The following IL31RA variants were observed in gnomAD, a reference collection of about 807,000 sequenced individuals.
IL31RA encodes the protein interleukin 31 receptor A, also known as interleukin-31 receptor subunit alpha.
Under a neutral mutation model 83.7 loss-of-function variants are expected in IL31RA, and 66 were observed. The observed-to-expected ratio is 0.79, with a 90% confidence interval of 0.65 to 0.97. The LOEUF (loss-of-function observed/expected upper bound fraction) is 0.97, where lower values mean the gene tolerates loss of function less well. Among genes scored for constraint, IL31RA ranks in the 50% least tolerant of loss-of-function variants. The pLI, the probability that IL31RA is intolerant of heterozygous loss-of-function variation, is 0.00. For synonymous variants in IL31RA, 325 were observed against 329.0 expected, an observed-to-expected ratio of 0.99 and a Z score of 0.13; for missense variants, 798 against 919.4, an observed-to-expected ratio of 0.87 and a Z score of 1.71.
chr5:55,844,893 A>G, the IL31RA span, among the ~76,000 whole-genome samples: 18 of 152,092 alleles, frequency 1.2e-4, no homozygotes, highest in Admixed American at 9.2e-4. Flanking sequence ...TGTCCAGTCT[A>G]CCTGTGACCC....
At chr5:55,862,770 C>T (rs1745767276) in intron 2 of IL31RA, among the ~76,000 whole-genome samples, 1 of 152,196 alleles carries the variant, frequency 6.6e-6, no homozygotes, top group East Asian at 1.9e-4. Flanking sequence ...ATTGTCATGT[C>T]TCCTTGGTCT....
chr5:55,910,233 GCTTGATCTATTTTTTT>G (rs1401228057), intron 11 of IL31RA, among the ~76,000 whole-genome samples: 2 of 152,128 alleles, frequency 1.3e-5, no homozygotes, highest in Non-Finnish European at 2.9e-5. Context: ...GTGAAGTCCA[GCTTGATCTATTTTTTT>G]CTTTTGATGT....
At chr5:55,916,241 A>G (rs570906913) in intron 14 of IL31RA, among the ~76,000 whole-genome samples, 1 of 152,176 alleles carries the variant, frequency 6.6e-6, no homozygotes, top group Non-Finnish European at 1.5e-5. Flanking sequence ...GTAGCCAGGT[A>G]TGGTGGTGTG....
chr5:55,890,157 C>T, intron 6 of IL31RA, 22 bp downstream of exon 6: 1 of 1,611,956 alleles, frequency 6.2e-7, no homozygotes, highest in South Asian at 1.1e-5. Context: ...CCTGCGATTC[C>T]CGTCCTGTCT....
chr5:55,915,710 T>G (rs1421834769), intron 14 of IL31RA, among the ~76,000 whole-genome samples: 4 of 152,188 alleles, frequency 2.6e-5, no homozygotes, highest in African/African-American at 9.7e-5. Context: ...ATCAGTCCGG[T>G]ATACTGGACT....
Position 55,877,627 on chromosome 5 carries a change from G to T in IL31RA, c.454+5176G>T, listed in dbSNP as rs780197965. 2.9e-4 allele frequency among the ~76,000 whole-genome samples: 44 copies of T among 152,252 alleles called. 3 individuals carry two copies. In the Middle Eastern group the frequency reaches 0.017, roughly 59 times the overall value. ...TTTGCCAGGTATGTAATTCTCAGTT[G>T]ACAATTTTTTTTCTCTTTCAGCACT... On this transcript the variant is annotated intron_variant, in intron 4 of 14. Coordinates refer to ENST00000652347, the MANE Select transcript of IL31RA (RefSeq NM_139017.7).
chr5:55,844,610 T>A, the IL31RA span, among the ~76,000 whole-genome samples: 1 of 152,182 alleles, frequency 6.6e-6, no homozygotes, highest in Admixed American at 6.5e-5. Flanking sequence ...GGAATTTATC[T>A]CACTTGGTGT....
chr5:55,915,926 AT>A (rs1287948223), intron 14 of IL31RA, among the ~76,000 whole-genome samples: 1 of 152,214 alleles, frequency 6.6e-6, no homozygotes, highest in South Asian at 2.1e-4. Flanking sequence ...TGTCCCTGCC[AT>A]GAGGCCACTT....
chr5:55,867,579 T>C (rs1375138290), intron 2 of IL31RA, among the ~76,000 whole-genome samples: 1 of 152,174 alleles, frequency 6.6e-6, no homozygotes, highest in African/African-American at 2.4e-5. Flanking sequence ...TTAATTTAGG[T>C]CTAATATTAA....
At chr5:55,882,956 G>A (rs1297872843) in intron 4 of IL31RA, 88 bp from the exon 5 acceptor site, 33 of 1,224,966 alleles carry the variant, frequency 2.7e-5, no homozygotes, top group South Asian at 1.5e-4. Flanking sequence ...CACAATGCAC[G>A]TATCATTTTT....
In IL31RA at chr5:55,899,956, A is replaced by T; in HGVS notation, c.893A>T (p.Tyr298Phe). 1 of 1,614,238 alleles carries T rather than the reference A, an allele frequency of 6.2e-7. No homozygotes were observed. Residue 298 changes from tyrosine to phenylalanine, a missense_variant, in exon 8 of 15, where the codon TAC (tyrosine) becomes TTC (phenylalanine). Coordinates refer to ENST00000652347, the MANE Select transcript of IL31RA (RefSeq NM_139017.7). ...CCAGTCCTAGAGAAAACACTTGGCT[A>T]CAACATATGGTACTATCCAGAAAGC... ...GAPVLEKTLGYNIWYYPESNT... is the reference protein window; with the variant it reads ...GAPVLEKTLGFNIWYYPESNT...
chr5:55,851,488 A>G lies in IL31RA; in HGVS notation c.-83A>G, dbSNP rs1745065622. 6.2e-7 allele frequency: 1 copy of G among 1,613,402 alleles called. No individual in the cohort carries two copies. Among genetic ancestry groups the G allele is most frequent in the Non-Finnish European group, 8.5e-7 (1 of 1,179,614 alleles). On this transcript the variant is annotated 5_prime_UTR_variant, in exon 1 of 15. Coordinates refer to ENST00000652347, the MANE Select transcript of IL31RA (RefSeq NM_139017.7). ...ATAGTAATAACCAGCATGGCACTAA[A>G]TAGACCATGAAAAGACATGTGTGTG...
chr5:55,863,987 T>C (rs1304219430), intron 2 of IL31RA, among the ~76,000 whole-genome samples: 1 of 152,142 alleles, frequency 6.6e-6, no homozygotes, highest in African/African-American at 2.4e-5. Context: ...TATTCCTCCA[T>C]TGATATCTTG....
At chr5:55,899,805 G>A in intron 7 of IL31RA, 111 bp from the exon 8 acceptor site, 2 of 743,448 alleles carry the variant, frequency 2.7e-6, no homozygotes, top group Non-Finnish European at 4.9e-6. Context: ...TTGTAGTTTA[G>A]TATCTAATAG....
At chr5:55,853,321 G>T in intron 1 of IL31RA, 2 of 1,234,822 alleles carry the variant, frequency 1.6e-6, no homozygotes, top group South Asian at 3.9e-5. Flanking sequence ...TTTGTTTTTA[G>T]TTAACAATAA....
In IL31RA at chr5:55,851,410, G is replaced by A; in HGVS notation, c.-161G>A. ...ACAGCACTCCAGCACTCTGCTTGGGGGGCATTCGAAACAGCAAAATCACTC... is the reference window on the plus strand; with the variant it reads ...ACAGCACTCCAGCACTCTGCTTGGGAGGCATTCGAAACAGCAAAATCACTC... On this transcript the variant is annotated 5_prime_UTR_variant, in exon 1 of 15. Coordinates refer to ENST00000652347, the MANE Select transcript of IL31RA (RefSeq NM_139017.7). The A allele has an allele frequency of 8.0e-7, 1 of 1,247,698 alleles. No individual in the cohort carries two copies. The highest frequency in any genetic ancestry group is 2.0e-5 in the Admixed American group (1 of 50,270). 77.3% of individuals were successfully genotyped at this position (1,247,698 alleles called of 1,614,324 possible).
Position 55,922,270 on chromosome 5 carries a change from G to C in IL31RA, c.*5150G>C. The C allele has an allele frequency of 1.3e-6, 1 of 765,898 alleles. No individual in the cohort carries two copies. 47.4% of individuals were successfully genotyped at this position (765,898 alleles called of 1,614,324 possible). On this transcript the variant is annotated 3_prime_UTR_variant, in exon 15 of 15. Transcript: ENST00000652347. ...GACGCTTGTCGTGTGCTGATGAAAAGGGCTGGGGAGAAGCAAGGGGCAGGG... is the reference window on the plus strand; with the variant it reads ...GACGCTTGTCGTGTGCTGATGAAAACGGCTGGGGAGAAGCAAGGGGCAGGG...
intron 2 of IL31RA, among the ~76,000 whole-genome samples, chr5:55,867,085 TTGTGTGTGTGTGTTTG>T (rs1293695473): frequency 1.1e-5 from 1 of 87,620 alleles, no homozygotes. Context: ...GCATGTGTGT[TTGTGTGTGTGTGTTTG>T]TGTGTGTGTG....
At chr5:55,868,675 C>A in intron 2 of IL31RA, 116 bp from the exon 3 acceptor site, 4 of 778,936 alleles carry the variant, frequency 5.1e-6, no homozygotes, top group Non-Finnish European at 9.3e-6. Flanking sequence ...TAGCAACTAA[C>A]CAAAAAAATC....
Sources: allele counts gnomAD v4.1 joint callset (sites outside exome capture counted in the v4.1 genomes callset), GRCh38; gene constraint gnomAD v4.1.1; transcripts MANE v1.5; gene names NCBI Gene and HGNC (gene_info 2026-07-23, HGNC 2026-07-21).